Variants in PPP1R3D observed in about 807,000 individuals in gnomAD.
PPP1R3D encodes PP1 subunit R6.
In PPP1R3D, 27 loss-of-function variants were observed where a neutral mutation model predicts 16.3. The ratio of observed to expected loss-of-function variants is 1.66; its 90% CI spans 1.22 to 2.29. PPP1R3D has a LOEUF of 2.29. Ranked by LOEUF, PPP1R3D falls within the 30% of genes most tolerant of loss-of-function variation. The pLI, the probability that PPP1R3D is intolerant of heterozygous loss-of-function variation, is 0.00. For missense variants in PPP1R3D, 472 were observed against 438.3 expected, an observed-to-expected ratio of 1.08 and a Z score of -0.69; for synonymous variants, 223 against 209.7, an observed-to-expected ratio of 1.06 and a Z score of -0.55.
rs779619612 is a variant in PPP1R3D at position 59,939,146 on chromosome 20, C to T, written c.786G>A (p.Ala262=). 5.0e-6 allele frequency: 8 copies of T among 1,611,140 alleles called. No individual in the cohort carries two copies. The highest frequency in any genetic ancestry group is 5.9e-6 in the Non-Finnish European group (7 of 1,178,684). The change falls in exon 1 of 1, where the codon GCG becomes GCA. Residue 262 remains alanine (A), a synonymous_variant. Transcript: ENST00000370996. The part of the protein sequence containing the change: ...RVHFAVRYQV[A]GAEYWDNNDH... The stretch of plus-strand genomic sequence containing the variant: ...CGTTGTTGTCCCAGTACTCGGCACC[C>T]GCCACTTGGTAGCGCACCGCGAAGT...
rs900380816 is a variant in PPP1R3D, at chr20:59,937,577, T to C, written c.*1455A>G. On this transcript the variant is annotated 3_prime_UTR_variant, in exon 1 of 1. Coordinates refer to ENST00000370996, the MANE Select transcript of PPP1R3D (RefSeq NM_006242.4). ...CAAGCATTCAAAAATTTAGAGTTAA[T>C]TTCTTGGTGACAGGTAGCATAAAAT... 1 of 152,356 alleles carries C rather than the reference T, an allele frequency of 6.6e-6. No homozygotes were observed. The highest frequency in any genetic ancestry group is 1.5e-5 in the Non-Finnish European group (1 of 68,032). 9.4% of individuals were successfully genotyped at this position (152,356 alleles called of 1,614,324 possible).
In PPP1R3D at chr20:59,937,047, A is replaced by C. The variant is rs1453748426; in HGVS notation, c.*1985T>G. 1.3e-5 allele frequency: 2 copies of C among 152,650 alleles called. No individual in the cohort carries two copies. Among genetic ancestry groups the C allele is most frequent in the African/African-American group, 4.8e-5 (2 of 41,456 alleles). The allele number at this position is 152,650 out of a possible 1,614,324, so 9.5% of individuals were successfully genotyped here. A position where few individuals can be genotyped will look rare whatever the true frequency, so the allele number is the denominator to read the frequency against. On this transcript the variant is annotated 3_prime_UTR_variant, in exon 1 of 1. Coordinates refer to ENST00000370996, the MANE Select transcript of PPP1R3D (RefSeq NM_006242.4). Reference sequence around the variant, plus strand: ...AAATATATTTAAGCTTTTAAATTTCATAATGTTGGTATTTTTTAAAAGGCA... The same window carrying C: ...AAATATATTTAAGCTTTTAAATTTCCTAATGTTGGTATTTTTTAAAAGGCA...
rs1187591037 is a variant in PPP1R3D, at chr20:59,939,714, C to G, written c.218G>C (p.Arg73Pro). 1 of 1,317,612 alleles carries G rather than the reference C, an allele frequency of 7.6e-7. No individual in the cohort carries two copies. The highest frequency in any genetic ancestry group is 9.6e-7 in the Non-Finnish European group (1 of 1,039,808). The allele number at this position is 1,317,612 out of a possible 1,614,324, so 81.6% of individuals were successfully genotyped here. The stretch of plus-strand genomic sequence containing the variant: ...GCGCTCGGGGGAGCTGGGCAGTGAG[C>G]GCGCCCGCCGCAGGATGATGGGCCG... Reference protein sequence around the residue: ...RLRPIILRRARSLPSSPERRQ... With the variant: ...RLRPIILRRAPSLPSSPERRQ... The change falls in exon 1 of 1, where the codon CGC (arginine) becomes CCC (proline). Residue 73 changes from arginine to proline, a missense_variant. Coordinates refer to ENST00000370996, the MANE Select transcript of PPP1R3D (RefSeq NM_006242.4).
In PPP1R3D at chr20:59,939,276, G is replaced by A. The variant is rs1168839777; in HGVS notation, c.656C>T (p.Ala219Val). The stretch of plus-strand genomic sequence containing the variant: ...TGCGGGCCCGCGCCACCGCGCCACC[G>A]CCTCGTGGGTACTGCGCCAGCCCGA... Reference protein sequence around the residue: ...TFSGWRSTHEAVARWRGPAGP... With the variant: ...TFSGWRSTHEVVARWRGPAGP... Residue 219 changes from alanine (A) to valine (V), a missense_variant, in exon 1 of 1, where the codon GCG becomes GTG. Physicochemically the swap from Ala to Val is moderately conservative, Grantham distance 64. Coordinates refer to ENST00000370996, the MANE Select transcript of PPP1R3D (RefSeq NM_006242.4). The A allele has an allele frequency of 1.2e-6, 2 of 1,612,312 alleles. No individual in the cohort carries two copies. Among genetic ancestry groups the A allele is most frequent in the East Asian group, 2.2e-5 (1 of 44,840 alleles).
Position 59,936,897 on chromosome 20 carries a change from ATGTT to A in PPP1R3D, c.*2131_*2134del, listed in dbSNP as rs556542519. 2.0e-3 allele frequency: 302 copies of A among 152,648 alleles called. No individual in the cohort carries two copies. The highest frequency in any genetic ancestry group is 3.6e-3 in the Non-Finnish European group (245 of 68,020). 9.5% of individuals were successfully genotyped at this position (152,648 alleles called of 1,614,324 possible). ...ATCATTTTAAATAACATATTAAAAT[ATGTT>A]TGGGGGGACAACCCAGCAATTGCAC... On this transcript the variant is annotated 3_prime_UTR_variant, in exon 1 of 1. Transcript: ENST00000370996.
Position 59,938,812 on chromosome 20 carries a change from G to A in PPP1R3D, c.*220C>T, listed in dbSNP as rs200448280. 21 of 378,662 alleles carry A rather than the reference G, an allele frequency of 5.5e-5. No individual in the cohort carries two copies. In the East Asian group the frequency reaches 8.8e-4, roughly 16 times the overall value. The allele number at this position is 378,662 out of a possible 1,614,324, so 23.5% of individuals were successfully genotyped here. ...CCTGCCCCAACTCATTACACAACTC[G>A]GCCTTCTGGCCACCTGAGGCTACTT... On this transcript the variant is annotated 3_prime_UTR_variant, in exon 1 of 1. Coordinates refer to ENST00000370996, the MANE Select transcript of PPP1R3D (RefSeq NM_006242.4).
Position 59,940,240 on chromosome 20 carries a change from C to A in PPP1R3D, c.-309G>T, listed in dbSNP as rs939376188. ...CTTCTTGCTTCCTTGGAGGTTCTTA[C>A]AAGAAGGCTGCGTTCCGGGAGCGGC... On this transcript the variant is annotated 5_prime_UTR_variant, in exon 1 of 1. Transcript: ENST00000370996. The A allele has an allele frequency of 8.4e-5, 21 of 250,708 alleles. No homozygotes were observed. In the East Asian group the frequency reaches 1.5e-3, roughly 18 times the overall value. 15.5% of individuals were successfully genotyped at this position (250,708 alleles called of 1,614,324 possible).
Position 59,939,223 on chromosome 20 carries a change from T to C in PPP1R3D, c.709A>G (p.Thr237Ala), listed in dbSNP as rs751181284. The C allele has an allele frequency of 6.2e-7, 1 of 1,610,608 alleles. No individual in the cohort carries two copies. Among genetic ancestry groups the C allele is most frequent in the Non-Finnish European group, 8.5e-7 (1 of 1,178,242 alleles). Residue 237 changes from threonine (T) to alanine (A), a missense_variant, in exon 1 of 1, where the codon ACC becomes GCC. By Grantham distance (58) the Thr-to-Ala change is moderately conservative. Coordinates refer to ENST00000370996, the MANE Select transcript of PPP1R3D (RefSeq NM_006242.4). ...AGPEGTEDVF[T>A]FGFPVPPFLL... Reference sequence around the variant, plus strand: ...AAGGGCGGTACTGGAAAGCCGAAGGTGAAAACGTCCTCCGTGCCCTCGGGG... The same window carrying C: ...AAGGGCGGTACTGGAAAGCCGAAGGCGAAAACGTCCTCCGTGCCCTCGGGG...
In PPP1R3D at chr20:59,939,864, C is replaced by A. The variant is rs2145947338; in HGVS notation, c.68G>T (p.Ser23Ile). The change falls in exon 1 of 1, where the codon AGC (serine) becomes ATC (isoleucine). Residue 23 changes from serine to isoleucine, a missense_variant. Ser to Ile is a moderately radical substitution (Grantham distance 142, BLOSUM62 -2). Coordinates refer to ENST00000370996, the MANE Select transcript of PPP1R3D (RefSeq NM_006242.4). ...GTCCAGGTCCGACAGGCAGCTGAGG[C>A]TCCGGGGGCCGAGCTTCCGGGATCC... Reference protein sequence around the residue: ...ALGSRKLGPRSLSCLSDLDGG... With the variant: ...ALGSRKLGPRILSCLSDLDGG... 1.6e-6 allele frequency: 2 copies of A among 1,246,346 alleles called. No individual in the cohort carries two copies. The highest frequency in any genetic ancestry group is 3.8e-5 in the South Asian group (1 of 26,010). The allele number at this position is 1,246,346 out of a possible 1,614,324, so 77.2% of individuals were successfully genotyped here.
At position 59,938,867 on chromosome 20, in the gene PPP1R3D, T is replaced by C. The variant is rs2145945767; in HGVS notation, c.*165A>G. The C allele has an allele frequency of 1.7e-6, 1 of 585,458 alleles. No homozygotes were observed. Among genetic ancestry groups the C allele is most frequent in the South Asian group, 4.7e-5 (1 of 21,410 alleles). 36.3% of individuals were successfully genotyped at this position (585,458 alleles called of 1,614,324 possible). On this transcript the variant is annotated 3_prime_UTR_variant, in exon 1 of 1. Coordinates refer to ENST00000370996, the MANE Select transcript of PPP1R3D (RefSeq NM_006242.4). ...GACCAAGTGACTCAGACGTTTCAAG[T>C]AGAAGACAGGATGGGCCACTGCCAG...
chr20:59,939,322 C>G lies in PPP1R3D; in HGVS notation c.610G>C (p.Val204Leu). 6.2e-7 allele frequency: 1 copy of G among 1,611,966 alleles called. No individual in the cohort carries two copies. Among genetic ancestry groups the G allele is most frequent in the Non-Finnish European group, 8.5e-7 (1 of 1,179,822 alleles). The change falls in exon 1 of 1, where the codon GTG becomes CTG. Residue 204 changes from valine (V) to leucine (L), a missense_variant. By Grantham distance (32) the Val-to-Leu change is conservative. Transcript: ENST00000370996. ...CCCGAGAAAGTGTAGCGCACAGCCA[C>G]CTGCTTCTCGAAGGCCACGTTGCAC... ...RVCNVAFEKQ[V>L]AVRYTFSGWR...
At position 59,938,907 on chromosome 20, in the gene PPP1R3D, G is replaced by C; in HGVS notation, c.*125C>G. On this transcript the variant is annotated 3_prime_UTR_variant, in exon 1 of 1. Coordinates refer to ENST00000370996, the MANE Select transcript of PPP1R3D (RefSeq NM_006242.4). The stretch of plus-strand genomic sequence containing the variant: ...GCCACTGCCAGGGGACCTTGCAGCA[G>C]AAAATTAGGTCAGAGGACTTGGAGG... 1 of 963,210 alleles carries C rather than the reference G, an allele frequency of 1.0e-6. No homozygotes were observed. Among genetic ancestry groups the C allele is most frequent in the East Asian group, 2.9e-5 (1 of 34,498 alleles). 59.7% of individuals were successfully genotyped at this position (963,210 alleles called of 1,614,324 possible).
rs1347550105 is a variant in PPP1R3D at position 59,937,796 on chromosome 20, C to CT, written c.*1235dup. 6.6e-6 allele frequency: 1 copy of CT among 152,306 alleles called. No individual in the cohort carries two copies. The highest frequency in any genetic ancestry group is 1.5e-5 in the Non-Finnish European group (1 of 67,998). 9.4% of individuals were successfully genotyped at this position (152,306 alleles called of 1,614,324 possible). ...GCCTAACTCAGCAGGGGACAGTGGTCTTGACTTCTTGGTTGACGGTTTAAA... is the reference window on the plus strand; with the variant it reads ...GCCTAACTCAGCAGGGGACAGTGGTCTTTGACTTCTTGGTTGACGGTTTAAA... On this transcript the variant is annotated 3_prime_UTR_variant, in exon 1 of 1. Transcript: ENST00000370996.
rs1308717789 is a variant in PPP1R3D, at chr20:59,936,901, T to C, written c.*2131A>G. ...TTTTAAATAACATATTAAAATATGT[T>C]TGGGGGGACAACCCAGCAATTGCAC... On this transcript the variant is annotated 3_prime_UTR_variant, in exon 1 of 1. Transcript: ENST00000370996. 1 of 151,936 alleles carries C rather than the reference T, an allele frequency of 6.6e-6. No individual in the cohort carries two copies. The highest frequency in any genetic ancestry group is 1.9e-4 in the East Asian group (1 of 5,200). 9.4% of individuals were successfully genotyped at this position (151,936 alleles called of 1,614,324 possible).
rs1227588832 is a variant in PPP1R3D at position 59,940,207 on chromosome 20, T to C, written c.-276A>G. 3 of 327,798 alleles carry C rather than the reference T, an allele frequency of 9.2e-6. No homozygotes were observed. The highest frequency in any genetic ancestry group is 2.2e-5 in the African/African-American group (1 of 46,380). 20.3% of individuals were successfully genotyped at this position (327,798 alleles called of 1,614,324 possible). A position where few individuals can be genotyped will look rare whatever the true frequency, so the allele number is the denominator to read the frequency against. The stretch of plus-strand genomic sequence containing the variant: ...CCTCCCGGGAGCGCAGGGTAGCGCC[T>C]CTTTTTTCTTCTTGCTTCCTTGGAG... On this transcript the variant is annotated 5_prime_UTR_variant, in exon 1 of 1. Coordinates refer to ENST00000370996, the MANE Select transcript of PPP1R3D (RefSeq NM_006242.4).
In PPP1R3D at chr20:59,939,321, A is replaced by T; in HGVS notation, c.611T>A (p.Val204Glu). 6.2e-7 allele frequency: 1 copy of T among 1,611,884 alleles called. No homozygotes were observed. Among genetic ancestry groups the T allele is most frequent in the Non-Finnish European group, 8.5e-7 (1 of 1,179,784 alleles). Residue 204 changes from valine to glutamate, a missense_variant, in exon 1 of 1, where the codon GTG becomes GAG. Coordinates refer to ENST00000370996, the MANE Select transcript of PPP1R3D (RefSeq NM_006242.4). ...RVCNVAFEKQ[V>E]AVRYTFSGWR... Reference sequence around the variant, plus strand: ...GCCCGAGAAAGTGTAGCGCACAGCCACCTGCTTCTCGAAGGCCACGTTGCA... The same window carrying T: ...GCCCGAGAAAGTGTAGCGCACAGCCTCCTGCTTCTCGAAGGCCACGTTGCA...
Position 59,936,988 on chromosome 20 carries a change from T to C in PPP1R3D, c.*2044A>G, listed in dbSNP as rs1361383859. ...CTGTTTTAGGGTCTGAAAGTTCTCC[T>C]TCAGTTGTTCCACAGCCTCTTTATC... On this transcript the variant is annotated 3_prime_UTR_variant, in exon 1 of 1. Coordinates refer to ENST00000370996, the MANE Select transcript of PPP1R3D (RefSeq NM_006242.4). 6.5e-6 allele frequency: 1 copy of C among 152,678 alleles called. No homozygotes were observed. Among genetic ancestry groups the C allele is most frequent in the East Asian group, 1.9e-4 (1 of 5,202 alleles). 9.5% of individuals were successfully genotyped at this position (152,678 alleles called of 1,614,324 possible).
At position 59,938,798 on chromosome 20, in the gene PPP1R3D, T is replaced by C; in HGVS notation, c.*234A>G. ...ACCTACCCCACCACCCTGCCCCAAC[T>C]CATTACACAACTCGGCCTTCTGGCC... On this transcript the variant is annotated 3_prime_UTR_variant, in exon 1 of 1. Transcript: ENST00000370996. 1 of 328,506 alleles carries C rather than the reference T, an allele frequency of 3.0e-6. No individual in the cohort carries two copies. Among genetic ancestry groups the C allele is most frequent in the Non-Finnish European group, 5.5e-6 (1 of 182,764 alleles). 20.3% of individuals were successfully genotyped at this position (328,506 alleles called of 1,614,324 possible).
In PPP1R3D at chr20:59,939,449, C is replaced by T. The variant is rs1350331661; in HGVS notation, c.483G>A (p.Pro161=). ...TLHCLVPDFP[P]PVEAADFGER... is the part of the protein sequence containing the mutation. ...CGCCAAAGTCGGCGGCCTCGACGGGCGGCGGGAAATCGGGCACCAGGCAAT... is the reference window on the plus strand; with the variant it reads ...CGCCAAAGTCGGCGGCCTCGACGGGTGGCGGGAAATCGGGCACCAGGCAAT... The change falls in exon 1 of 1, where the codon CCG becomes CCA. Residue 161 remains proline, a synonymous_variant. Transcript: ENST00000370996. 2 of 1,611,580 alleles carry T rather than the reference C, an allele frequency of 1.2e-6. No homozygotes were observed. The highest frequency in any genetic ancestry group is 2.7e-5 in the African/African-American group (2 of 74,926).
Sources: gnomAD v4.1 joint callset for allele counts on GRCh38, gnomAD v4.1.1 for gene constraint, MANE v1.5 for transcripts, NCBI Gene and HGNC (gene_info 2026-07-23, HGNC 2026-07-21) for gene names.